Variants in AAK1 observed in about 807,000 individuals in gnomAD.
AAK1 encodes the protein AP2 associated kinase 1.
AAK1 carries 37 observed loss-of-function variants against 116.0 expected under a neutral mutation model. The ratio of observed to expected loss-of-function variants is 0.32; its 90% CI spans 0.25 to 0.42. AAK1 has a LOEUF of 0.42. Ranked by LOEUF, AAK1 falls within the 10% of genes least tolerant of loss-of-function variation. The pLI is 1.00. For missense variants in AAK1, 919 were observed against 1,170.6 expected (o/e 0.79, Z 3.14); for synonymous variants, 458 against 439.9 (o/e 1.04, Z -0.51).
chr2:69,628,698 T>C (rs1024361143), intron 2 of AAK1, among the ~76,000 whole-genome samples: 2 of 152,188 alleles, frequency 1.3e-5, no homozygotes, highest in African/African-American at 4.8e-5. Context: ...CACTATGATT[T>C]TAAAAGAGAA....
chr2:69,614,512 T>C (rs1674231190), intron 2 of AAK1, among the ~76,000 whole-genome samples: 1 of 152,080 alleles, frequency 6.6e-6, no homozygotes, highest in Admixed American at 6.5e-5. Context: ...GTCATGGCAC[T>C]CTCCACGGCA....
intron 2 of AAK1, among the ~76,000 whole-genome samples, chr2:69,619,983 T>C (rs913702959): frequency 1.3e-5 from 2 of 152,204 alleles, no homozygotes; most frequent in Non-Finnish European, 1.5e-5. Flanking sequence ...TGGACGCTTC[T>C]GAGCAGAGGA....
intron 2 of AAK1, among the ~76,000 whole-genome samples, chr2:69,587,412 TGTATATATAC>T (rs1672831390): frequency 1.3e-5 from 2 of 151,496 alleles, no homozygotes; most frequent in African/African-American, 2.4e-5. Context: ...TATACACATG[TGTATATATAC>T]ACATATATAT....
At chr2:69,487,935 G>A (rs1386800216) in intron 17 of AAK1, among the ~76,000 whole-genome samples, 4 of 151,748 alleles carry the variant, frequency 2.6e-5, no homozygotes, top group African/African-American at 7.3e-5. Flanking sequence ...CATTATAGGC[G>A]CCTGCCACCA....
Position 69,527,246 on chromosome 2 carries a change from G to C in AAK1, c.945C>G (p.Leu315=), listed in dbSNP as rs1670065146. ...CATTTGGAATTGGGCACTCTTTCTTGAGTAGCTTAAATGAGAAGTAGGACA... is the reference window on the plus strand; with the variant it reads ...CATTTGGAATTGGGCACTCTTTCTTCAGTAGCTTAAATGAGAAGTAGGACA... ...YQVSYFSFKL[L]KKECPIPNVQ... Residue 315 remains leucine (L), a synonymous_variant, in exon 9 of 22, where the codon CTC becomes CTG. Transcript: ENST00000409085. The C allele has an allele frequency of 6.2e-7, 1 of 1,608,192 alleles. No homozygotes were observed. Among genetic ancestry groups the C allele is most frequent in the African/African-American group, 1.3e-5 (1 of 74,836 alleles).
intron 16 of AAK1, among the ~76,000 whole-genome samples, chr2:69,502,400 T>C (rs1303340021): frequency 2.0e-5 from 3 of 152,004 alleles, no homozygotes; most frequent in African/African-American, 4.8e-5. Context: ...GGCGGGAGGA[T>C]CACCTGAGGT....
intron 2 of AAK1, among the ~76,000 whole-genome samples, chr2:69,630,693 T>A (rs1675137078): frequency 6.6e-6 from 1 of 152,210 alleles, no homozygotes; most frequent in African/African-American, 2.4e-5. Flanking sequence ...CCTTCAATTC[T>A]CATGCTTTTA....
chr2:69,594,162 G>C (rs536275014), intron 2 of AAK1, among the ~76,000 whole-genome samples: 6 of 152,336 alleles, frequency 3.9e-5, no homozygotes, highest in Non-Finnish European at 5.9e-5. Flanking sequence ...AGGGGAGGTA[G>C]TGGTATATCT....
intron 8 of AAK1, among the ~76,000 whole-genome samples, chr2:69,529,400 CTTT>C (rs11450461): frequency 6.7e-6 from 1 of 149,836 alleles, no homozygotes; most frequent in Admixed American, 6.7e-5. Flanking sequence ...AAATATTATT[CTTT>C]TTTTTTTCTT....
intron 2 of AAK1, among the ~76,000 whole-genome samples, chr2:69,618,892 T>G (rs571568417): frequency 6.6e-6 from 1 of 152,128 alleles, no homozygotes; most frequent in Non-Finnish European, 1.5e-5. Flanking sequence ...AAGACTTCCA[T>G]TCCCTTAGGC....
At position 69,473,678 on chromosome 2, in the gene AAK1, A is replaced by G; in HGVS notation, c.*2191T>C. The G allele has an allele frequency of 1.0e-6, 1 of 967,080 alleles. No individual in the cohort carries two copies. Among genetic ancestry groups the G allele is most frequent in the Non-Finnish European group, 1.2e-6 (1 of 812,910 alleles). The allele number at this position is 967,080 out of a possible 1,614,324, so 59.9% of individuals were successfully genotyped here. A position where few individuals can be genotyped will look rare whatever the true frequency, so the allele number is the denominator to read the frequency against. Reference sequence around the variant, plus strand: ...ACCTAATTTCTAAACTGTACTCTTCATAGTTTCAATTAAATTGAGAAACTA... The same window carrying G: ...ACCTAATTTCTAAACTGTACTCTTCGTAGTTTCAATTAAATTGAGAAACTA... On this transcript the variant is annotated 3_prime_UTR_variant, in exon 22 of 22. Transcript: ENST00000409085.
At chr2:69,611,181 G>A (rs967272053) in intron 2 of AAK1, among the ~76,000 whole-genome samples, 1 of 152,186 alleles carries the variant, frequency 6.6e-6, no homozygotes, top group African/African-American at 2.4e-5. Flanking sequence ...CCTCAATGTG[G>A]GTGGGCACCA....
At chr2:69,616,708 T>A (rs1674345291) in intron 2 of AAK1, among the ~76,000 whole-genome samples, 1 of 152,182 alleles carries the variant, frequency 6.6e-6, no homozygotes, top group African/African-American at 2.4e-5. Context: ...GCCAAGTGTC[T>A]CCTGGGGGGC....
chr2:69,533,157 C>G (rs1670326012), intron 5 of AAK1, among the ~76,000 whole-genome samples: 1 of 152,126 alleles, frequency 6.6e-6, no homozygotes, highest in South Asian at 2.1e-4. Context: ...AAAACAAAGG[C>G]AAGAGTAGAC....
chr2:69,527,158 G>T, intron 9 of AAK1, 58 bp downstream of exon 9: 2 of 1,241,488 alleles, frequency 1.6e-6, no homozygotes, highest in South Asian at 2.6e-5. Context: ...AACACCCCAG[G>T]AGCTCAAAAT....
intron 8 of AAK1, among the ~76,000 whole-genome samples, chr2:69,527,621 T>C (rs1327909572): frequency 6.6e-6 from 1 of 152,168 alleles, no homozygotes; most frequent in East Asian, 1.9e-4. Context: ...ACCTTCATAC[T>C]CCGATACCTA....
At chr2:69,551,673 C>T (rs374730861) in intron 3 of AAK1, among the ~76,000 whole-genome samples, 2 of 152,240 alleles carry the variant, frequency 1.3e-5, no homozygotes, top group East Asian at 3.8e-4. Flanking sequence ...TTTCCTATCA[C>T]TGTTCTTACC....
chr2:69,590,497 C>G (rs1672983294), intron 2 of AAK1, among the ~76,000 whole-genome samples: 1 of 152,206 alleles, frequency 6.6e-6, no homozygotes, highest in South Asian at 2.1e-4. Context: ...GAGGACAGAG[C>G]CAGGGCAGGA....
At chr2:69,598,381 A>G in intron 2 of AAK1, 2 of 324,082 alleles carry the variant, frequency 6.2e-6, no homozygotes, top group Non-Finnish European at 5.9e-6. Flanking sequence ...TAAAATGTCC[A>G]GAGGTTGGTG....
Sources: allele counts gnomAD v4.1 joint callset (sites outside exome capture counted in the v4.1 genomes callset), GRCh38; gene constraint gnomAD v4.1.1; transcripts MANE v1.5; gene names NCBI Gene and HGNC (gene_info 2026-07-23, HGNC 2026-07-21).